The following GSG1L2 variants were observed in gnomAD, a reference collection of about 807,000 sequenced individuals.
The protein encoded by GSG1L2 is germ cell-specific gene 1-like protein 2.
In GSG1L2, 15 loss-of-function variants were observed where a neutral mutation model predicts 9.0. The ratio of observed to expected loss-of-function variants is 1.67; its 90% CI spans 1.12 to 2.57. The LOEUF is 2.57. Among genes scored for constraint, GSG1L2 ranks in the 30% most tolerant of loss-of-function variants. The pLI is 0.00. For missense variants in GSG1L2, 286 were observed against 150.3 expected (o/e 1.90, Z -4.72); for synonymous variants, 127 against 57.9 (o/e 2.19, Z -5.41).
Position 9,801,749 on chromosome 17 carries a change from T to C in GSG1L2, c.*637A>G, listed in dbSNP as rs2066497606. Among the ~76,000 whole-genome samples, 1 of 152,216 alleles carries C rather than the reference T, an allele frequency of 6.6e-6. No homozygotes were observed. Among genetic ancestry groups the C allele is most frequent in the Non-Finnish European group, 1.5e-5 (1 of 68,024 alleles). On this transcript the variant is annotated 3_prime_UTR_variant, in exon 5 of 5. Coordinates refer to ENST00000399363, the MANE Select transcript of GSG1L2 (RefSeq NM_001310219.2). Reference sequence around the variant, plus strand: ...ACTCAAACATGTGTTCCACTTAAACTAAGATAAGATGTCATTCCATTTGAC... The same window carrying C: ...ACTCAAACATGTGTTCCACTTAAACCAAGATAAGATGTCATTCCATTTGAC...
chr17:9,807,705 C>A (rs1272537519), intron 3 of GSG1L2, 104 bp from the exon 4 acceptor site: 7 of 676,538 alleles, frequency 1.0e-5, no homozygotes, highest in Non-Finnish European at 1.9e-5. Context: ...TTCATAAAGT[C>A]CTTTTGATGT....
At chr17:9,816,485 TGC>T (rs1491277078) in intron 1 of GSG1L2, among the ~76,000 whole-genome samples, 16 of 147,500 alleles carry the variant, frequency 1.1e-4, no homozygotes, top group Non-Finnish European at 2.2e-4. Flanking sequence ...TCTGTGTGTG[TGC>T]ATGTGTCTGT....
intron 4 of GSG1L2, among the ~76,000 whole-genome samples, chr17:9,803,287 G>A (rs1234675203): frequency 2.0e-5 from 3 of 152,092 alleles, no homozygotes; most frequent in Non-Finnish European, 4.4e-5. Flanking sequence ...ATTTTTAGTA[G>A]AGACAGGGCT....
At chr17:9,813,944 C>CTTTT (rs67913736) in intron 1 of GSG1L2, among the ~76,000 whole-genome samples, 1 of 151,070 alleles carries the variant, frequency 6.6e-6, no homozygotes. Flanking sequence ...ACAGTTTTTT[C>CTTTT]TGTTTTTTTT....
chr17:9,820,661 CT>C lies in GSG1L2; in HGVS notation c.310+1100del, dbSNP rs10711046. ...GGACATACAGCACCTCTGAGTGTTC[CT>C]TTTTTTTTTTTTTTAATTTGAGACA... On this transcript the variant is annotated intron_variant, in intron 1 of 4. Coordinates refer to ENST00000399363, the MANE Select transcript of GSG1L2 (RefSeq NM_001310219.2). The surrounding 1 kb of genome is among the most constrained non-coding windows in gnomAD (Gnocchi z 4.9). Among the ~76,000 whole-genome samples the C allele has an allele frequency of 0.62, 88,553 of 142,752 alleles. 27,871 individuals carry two copies. Among genetic ancestry groups the C allele is most frequent in the African/African-American group, 0.77 (29,679 of 38,440 alleles). The allele number at this position is 142,752 out of a possible 152,430, so 93.7% of individuals were successfully genotyped here. A position where few individuals can be genotyped will look rare whatever the true frequency, so the allele number is the denominator to read the frequency against.
intron 1 of GSG1L2, among the ~76,000 whole-genome samples, chr17:9,819,464 G>A (rs921914268): frequency 6.6e-6 from 1 of 152,108 alleles, no homozygotes; most frequent in African/African-American, 2.4e-5. Flanking sequence ...TTGAAAACAC[G>A]GAAGAAAATA....
At chr17:9,803,100 CTTTT>C (rs58980664) in intron 4 of GSG1L2, among the ~76,000 whole-genome samples, 3 of 92,508 alleles carry the variant, frequency 3.2e-5, no homozygotes, top group Non-Finnish European at 4.3e-5. Flanking sequence ...GGTGTCATTA[CTTTT>C]TTTTTTTTTT....
At chr17:9,811,990 C>CTT (rs1170314502) in intron 1 of GSG1L2, among the ~76,000 whole-genome samples, 4 of 151,918 alleles carry the variant, frequency 2.6e-5, no homozygotes, top group Non-Finnish European at 5.9e-5. Flanking sequence ...TCACTTATCA[C>CTT]TTATCACTTA....
In GSG1L2 at chr17:9,817,059, G is replaced by GCCA. The variant is rs112714487; in HGVS notation, c.310+4700_310+4702dup. Among the ~76,000 whole-genome samples the GCCA allele has an allele frequency of 1.5e-3, 228 of 150,112 alleles. 1 individual carries two copies. Among genetic ancestry groups the GCCA allele is most frequent in the African/African-American group, 5.0e-3 (204 of 40,802 alleles). The stretch of plus-strand genomic sequence containing the variant: ...TCAGCTCGTTTTAGGCTGAGAAGAT[G>GCCA]CCACCACCACCACCACACACACGCT... On this transcript the variant is annotated intron_variant, in intron 1 of 4. Transcript: ENST00000399363.
At chr17:9,809,237 C>A in intron 2 of GSG1L2, 1 of 471,272 alleles carries the variant, frequency 2.1e-6, no homozygotes, top group Non-Finnish European at 3.9e-6. Context: ...CAAAACCCTG[C>A]TGTGAGGATA....
intron 2 of GSG1L2, chr17:9,809,290 C>A: frequency 2.6e-6 from 1 of 385,226 alleles, no homozygotes; most frequent in Non-Finnish European, 4.9e-6. Flanking sequence ...CAAAAACTAC[C>A]ATTGTGTCTG....
intron 4 of GSG1L2, among the ~76,000 whole-genome samples, chr17:9,806,841 C>G (rs2066517865): frequency 6.6e-6 from 1 of 152,210 alleles, no homozygotes; most frequent in African/African-American, 2.4e-5. Flanking sequence ...AGTTCAGACT[C>G]TAACAACTCA....
chr17:9,803,592 A>G (rs1243618434), intron 4 of GSG1L2, among the ~76,000 whole-genome samples: 2 of 152,228 alleles, frequency 1.3e-5, no homozygotes, highest in Non-Finnish European at 2.9e-5. Flanking sequence ...TGTGGTGGAC[A>G]AAGAACAACC....
intron 1 of GSG1L2, among the ~76,000 whole-genome samples, chr17:9,819,040 T>G (rs2066578965): frequency 6.6e-6 from 1 of 152,110 alleles, no homozygotes; most frequent in Non-Finnish European, 1.5e-5. Flanking sequence ...TTTCCAGAGG[T>G]CTTTGATGTA....
At chr17:9,809,203 T>C (rs1377856500) in intron 2 of GSG1L2, 1 of 498,864 alleles carries the variant, frequency 2.0e-6, no homozygotes. Flanking sequence ...GAACGGGCGG[T>C]GGGGTGGGGG....
intron 1 of GSG1L2, among the ~76,000 whole-genome samples, chr17:9,814,185 C>G (rs576457466): frequency 6.6e-6 from 1 of 152,340 alleles, no homozygotes; most frequent in Admixed American, 6.5e-5. Context: ...CCGTCCGCCT[C>G]GGCCTCCCGA....
chr17:9,821,350 C>CCA (rs2066588827), intron 1 of GSG1L2, among the ~76,000 whole-genome samples: 1 of 151,988 alleles, frequency 6.6e-6, no homozygotes, highest in East Asian at 1.9e-4. Flanking sequence ...CGAGTTGGGT[C>CCA]GGGACCACCT....
At chr17:9,818,501 ATTTT>A (rs377057350) in intron 1 of GSG1L2, among the ~76,000 whole-genome samples, 2,527 of 82,668 alleles carry the variant, frequency 0.031, 16 homozygotes, top group African/African-American at 0.04. Flanking sequence ...ACACAGCTAA[ATTTT>A]TTTTTTTTTT....
intron 1 of GSG1L2, among the ~76,000 whole-genome samples, chr17:9,816,077 A>C (rs2066558196): frequency 1.3e-5 from 2 of 152,162 alleles, no homozygotes; most frequent in Admixed American, 6.5e-5. Context: ...CCCCAGCAAG[A>C]AGCCTCTCAC....
Sources: allele counts gnomAD v4.1 joint callset (sites outside exome capture counted in the v4.1 genomes callset), GRCh38; gene constraint gnomAD v4.1.1; non-coding constraint Gnocchi (gnomAD v3.1); transcripts MANE v1.5; gene names NCBI Gene and HGNC (gene_info 2026-07-23, HGNC 2026-07-21).